The following DOCK5 variants were observed in gnomAD, a reference collection of about 807,000 sequenced individuals.
The protein encoded by DOCK5 is dedicator of cytokinesis protein 5.
Under a neutral mutation model 251.8 loss-of-function variants are expected in DOCK5, and 142 were observed. That is an observed-to-expected ratio of 0.56 (90% CI 0.49 to 0.65). The LOEUF (loss-of-function observed/expected upper bound fraction) is 0.65, where lower values mean the gene tolerates loss of function less well. DOCK5 is among the 30% of genes least tolerant of loss of function. The pLI, the probability that DOCK5 is intolerant of heterozygous loss-of-function variation, is 0.00. For synonymous variants in DOCK5, 842 were observed against 835.5 expected, an observed-to-expected ratio of 1.01 and a Z score of -0.13; for missense variants, 2,111 against 2,312.3, an observed-to-expected ratio of 0.91 and a Z score of 1.79.
chr8:25,392,488 G>A (rs1801278901), intron 43 of DOCK5, among the ~76,000 whole-genome samples: 1 of 152,072 alleles, frequency 6.6e-6, no homozygotes, highest in Non-Finnish European at 1.5e-5. Context: ...GCTAGACTAG[G>A]AGTCCAGAAT....
intron 26 of DOCK5, among the ~76,000 whole-genome samples, chr8:25,349,495 A>G (rs1800429042): frequency 6.6e-6 from 1 of 152,238 alleles, no homozygotes; most frequent in Non-Finnish European, 1.5e-5. Context: ...ACAATTTGCA[A>G]TAGCAAAGAT....
In DOCK5 at chr8:25,289,767, G is replaced by A. The variant is rs945050238; in HGVS notation, c.322-2257G>A. On this transcript the variant is annotated intron_variant, in intron 5 of 51. Coordinates refer to ENST00000276440, the MANE Select transcript of DOCK5 (RefSeq NM_024940.8). ...TGAGGCAGGAGAATCACTTGAACGCGGGATGGGGAGGTTGTCGTGAGCTGA... is the reference window on the plus strand; with the variant it reads ...TGAGGCAGGAGAATCACTTGAACGCAGGATGGGGAGGTTGTCGTGAGCTGA... Among the ~76,000 whole-genome samples, 9 of 151,920 alleles carry A rather than the reference G, an allele frequency of 5.9e-5. No individual in the cohort carries two copies. In the East Asian group the frequency reaches 5.9e-4, roughly 10 times the overall value.
chr8:25,397,997 TTTGA>T (rs1353119780), intron 45 of DOCK5, among the ~76,000 whole-genome samples: 1 of 151,348 alleles, frequency 6.6e-6, no homozygotes. Flanking sequence ...TCATTACATA[TTTGA>T]TGTAATATGT....
In DOCK5 at chr8:25,231,237, G is replaced by T. The variant is rs140366152; in HGVS notation, c.44-12437G>T. Among the ~76,000 whole-genome samples the T allele has an allele frequency of 3.9e-3, 586 of 151,968 alleles. 6 individuals carry two copies. Among genetic ancestry groups the T allele is most frequent in the African/African-American group, 0.014 (562 of 41,426 alleles). On this transcript the variant is annotated intron_variant, in intron 1 of 51. Coordinates refer to ENST00000276440, the MANE Select transcript of DOCK5 (RefSeq NM_024940.8). ...TGTCATGCATGCACTCATTTTCCCTGCCATATAGAATTCTATATCTGAATA... is the reference window on the plus strand; with the variant it reads ...TGTCATGCATGCACTCATTTTCCCTTCCATATAGAATTCTATATCTGAATA...
chr8:25,317,271 A>G (rs1805277713), intron 14 of DOCK5, 140 bp downstream of exon 14: 1 of 1,342,222 alleles, frequency 7.5e-7, no homozygotes, highest in Non-Finnish European at 1.0e-6. Context: ...AGCCTGTTAA[A>G]TTTGTGATTA....
chr8:25,308,653 A>G, intron 11 of DOCK5, 130 bp from the exon 12 acceptor site: 1 of 944,636 alleles, frequency 1.1e-6, no homozygotes, highest in Non-Finnish European at 1.5e-6. Context: ...TAAAGGAAAG[A>G]TAGAAAGATA....
intron 39 of DOCK5, 45 bp downstream of exon 39, chr8:25,380,439 A>C: frequency 4.1e-6 from 6 of 1,477,436 alleles, no homozygotes; most frequent in Non-Finnish European, 5.6e-6. Context: ...AGGGTTGCTA[A>C]AATTAGCACT....
chr8:25,306,212 T>G (rs1437114756), intron 11 of DOCK5, among the ~76,000 whole-genome samples: 1 of 152,172 alleles, frequency 6.6e-6, no homozygotes, highest in Non-Finnish European at 1.5e-5. Flanking sequence ...GCACTTACCT[T>G]GTATGCTACC....
chr8:25,356,490 AC>A (rs1800571281), intron 27 of DOCK5, among the ~76,000 whole-genome samples: 1 of 151,950 alleles, frequency 6.6e-6, no homozygotes, highest in South Asian at 2.1e-4. Context: ...ACATGGCAAG[AC>A]CCTGTCTTAA....
At chr8:25,268,815 A>G (rs551592508) in intron 2 of DOCK5, 30 bp from the exon 3 acceptor site, 2 of 1,554,112 alleles carry the variant, frequency 1.3e-6, no homozygotes, top group African/African-American at 1.4e-5. Context: ...GAAAACATAA[A>G]ATATTTTGTG....
At chr8:25,390,129 G>A (rs965790339) in intron 41 of DOCK5, 77 bp from the exon 42 acceptor site, 1 of 1,295,732 alleles carries the variant, frequency 7.7e-7, no homozygotes, top group East Asian at 2.6e-5. Context: ...CGGCTGTGAA[G>A]CAGGAGGAAC....
chr8:25,386,244 C>T (rs1054224748), intron 40 of DOCK5, among the ~76,000 whole-genome samples: 22 of 151,976 alleles, frequency 1.4e-4, no homozygotes, highest in African/African-American at 4.6e-4. Context: ...TTAAAATAAC[C>T]GTGGTTGGGG....
At chr8:25,384,414 A>T (rs1440816506) in intron 40 of DOCK5, among the ~76,000 whole-genome samples, 2 of 149,002 alleles carry the variant, frequency 1.3e-5, no homozygotes, top group African/African-American at 4.9e-5. Flanking sequence ...TATGTAGATT[A>T]TGTCTTAATA....
intron 34 of DOCK5, among the ~76,000 whole-genome samples, chr8:25,370,100 G>T (rs930599712): frequency 1.3e-5 from 2 of 152,158 alleles, no homozygotes; most frequent in African/African-American, 4.8e-5. Context: ...TTCCTGCCCT[G>T]TCATCCACCC....
intron 26 of DOCK5, among the ~76,000 whole-genome samples, chr8:25,351,146 C>A (rs1453475851): frequency 3.3e-5 from 5 of 152,136 alleles, no homozygotes; most frequent in African/African-American, 4.8e-5. Context: ...CAAGCTCCAC[C>A]TCCTGGGTTC....
rs1020407479 is a variant in DOCK5, at chr8:25,359,534, A to T, written c.2949+473A>T. Reference sequence around the variant, plus strand: ...GTTAGGAACCTGGCCGCACAGCAGGACATGAGCAGCAGGCCAGCAAGCATT... The same window carrying T: ...GTTAGGAACCTGGCCGCACAGCAGGTCATGAGCAGCAGGCCAGCAAGCATT... On this transcript the variant is annotated intron_variant, in intron 28 of 51. Coordinates refer to ENST00000276440, the MANE Select transcript of DOCK5 (RefSeq NM_024940.8). Among the ~76,000 whole-genome samples, 3 of 152,248 alleles carry T rather than the reference A, an allele frequency of 2.0e-5. No individual in the cohort carries two copies. In the South Asian group the frequency reaches 6.2e-4, roughly 31 times the overall value.
chr8:25,267,057 G>C (rs560204987), intron 2 of DOCK5, among the ~76,000 whole-genome samples: 1 of 152,222 alleles, frequency 6.6e-6, no homozygotes, highest in South Asian at 2.1e-4. Context: ...CTCCCACTCT[G>C]CCCTTTTCCC....
In DOCK5 at chr8:25,399,954, A is replaced by T. The variant is rs371029714; in HGVS notation, c.4748A>T (p.Gln1583Leu). Residue 1583 changes from glutamine (Q) to leucine (L), a missense_variant, in exon 46 of 52, where the codon CAG becomes CTG. Physicochemically the swap from Gln to Leu is moderately radical, Grantham distance 113. Transcript: ENST00000276440. ...EKYLQEHPEDQEKVELLKRLI... is the reference protein window; with the variant it reads ...EKYLQEHPEDLEKVELLKRLI... Reference sequence around the variant, plus strand: ...TACTTGCAGGAGCATCCTGAAGACCAGGAGAAGGTTGAGCTGCTAAAGCGA... The same window carrying T: ...TACTTGCAGGAGCATCCTGAAGACCTGGAGAAGGTTGAGCTGCTAAAGCGA... 1.9e-6 allele frequency: 3 copies of T among 1,613,756 alleles called. No homozygotes were observed. The East Asian group carries it at 6.7e-5, about 36-fold the overall frequency.
intron 46 of DOCK5, 118 bp from the exon 47 acceptor site, chr8:25,400,811 T>C: frequency 8.8e-7 from 1 of 1,141,146 alleles, no homozygotes; most frequent in Non-Finnish European, 1.3e-6. Flanking sequence ...GGCCTTCCCA[T>C]TGGCCAGCAC....
Sources: allele counts gnomAD v4.1 joint callset (sites outside exome capture counted in the v4.1 genomes callset), GRCh38; gene constraint gnomAD v4.1.1; transcripts MANE v1.5; gene names NCBI Gene and HGNC (gene_info 2026-07-23, HGNC 2026-07-21).